MPDZ: variants seen among roughly 807,000 people sequenced by gnomAD.
The protein encoded by MPDZ is multiple PDZ domain crumbs cell polarity complex component, also known as multiple PDZ domain protein.
MPDZ carries 234 observed loss-of-function variants against 239.1 expected under a neutral mutation model. The observed-to-expected ratio is 0.98, with a 90% CI of 0.88 to 1.09. MPDZ has a LOEUF of 1.09. Among genes scored for constraint, MPDZ ranks in the 50% least tolerant of loss-of-function variants. The pLI, the probability that MPDZ is intolerant of heterozygous loss-of-function variation, is 0.00. For synonymous variants in MPDZ, 1,048 were observed against 881.3 expected (o/e 1.19, Z -3.35); for missense variants, 3,175 against 2,510.0 (o/e 1.26, Z -5.66).
chr9:13,112,276 GA>G (rs2131171873), intron 42 of MPDZ, 130 bp from the exon 43 acceptor site: 1 of 902,320 alleles, frequency 1.1e-6, no homozygotes, highest in South Asian at 2.2e-5. Flanking sequence ...AGAAGTGCAA[GA>G]AAACTGCATT....
rs1487590135 is a variant in MPDZ at position 13,150,647 on chromosome 9, C to T, written c.3494G>A (p.Ser1165Asn). Residue 1165 changes from serine to asparagine, a missense_variant, in exon 25 of 47, where the codon AGC (serine) becomes AAC (asparagine). Physicochemically the swap from Ser to Asn is conservative, Grantham distance 46 (BLOSUM62 1). Transcript: ENST00000319217. ...CCCCATCCCTCGTCCACCAACAATG[C>T]TGATGCCTAAGGATTTGCTTGGTTC... Reference protein sequence around the residue: ...WREPSKSLGISIVGGRGMGSR... With the variant: ...WREPSKSLGINIVGGRGMGSR... 2.7e-6 allele frequency: 4 copies of T among 1,495,194 alleles called. No individual in the cohort carries two copies. The highest frequency in any genetic ancestry group is 2.7e-6 in the Non-Finnish European group (3 of 1,118,312). The allele number at this position is 1,495,194 out of a possible 1,614,324, so 92.6% of individuals were successfully genotyped here.
rs554435796 is a variant in MPDZ, at chr9:13,114,091, G to C, written c.5467-70C>G. ...TACTCCCTAAATACCACTTATTTCA[G>C]AATTTAATCTAGAGACAGATACCTG... On this transcript the variant is annotated intron_variant, in intron 40 of 46. Transcript: ENST00000319217. 5 of 1,187,516 alleles carry C rather than the reference G, an allele frequency of 4.2e-6. No homozygotes were observed. In the African/African-American group the frequency reaches 6.1e-5, roughly 15 times the overall value. The allele number at this position is 1,187,516 out of a possible 1,614,324, so 73.6% of individuals were successfully genotyped here.
At chr9:13,173,143 T>C (rs1952004288) in intron 21 of MPDZ, among the ~76,000 whole-genome samples, 1 of 152,200 alleles carries the variant, frequency 6.6e-6, no homozygotes, top group Non-Finnish European at 1.5e-5. Flanking sequence ...AATTGTTTAA[T>C]GGATACAGCG....
chr9:13,196,327 T>C (rs1411108601), intron 12 of MPDZ, 97 bp from the exon 13 acceptor site: 2 of 766,466 alleles, frequency 2.6e-6, no homozygotes, highest in Non-Finnish European at 2.1e-6. Flanking sequence ...ACCCGCTGTA[T>C]CACGTCAGAC....
chr9:13,165,489 C>T, intron 22 of MPDZ: 3 of 1,508,572 alleles, frequency 2.0e-6, no homozygotes, highest in Non-Finnish European at 9.0e-7. Flanking sequence ...ATGTGAGATG[C>T]ATACATATGT....
chr9:13,106,942 T>A lies in MPDZ; in HGVS notation c.*23A>T. 1 of 1,612,260 alleles carries A rather than the reference T, an allele frequency of 6.2e-7. No individual in the cohort carries two copies. The highest frequency in any genetic ancestry group is 1.7e-4 in the Middle Eastern group (1 of 6,042). ...AGTAGGAGGTGAGCTAGGGGTTGGG[T>A]TGGTTCAATTCTGGCAGCCAATTCA... On this transcript the variant is annotated 3_prime_UTR_variant, in exon 47 of 47. Transcript: ENST00000319217.
intron 24 of MPDZ, among the ~76,000 whole-genome samples, chr9:13,155,283 T>G (rs1051077042): frequency 5.9e-5 from 9 of 152,054 alleles, no homozygotes; most frequent in Non-Finnish European, 1.2e-4. Flanking sequence ...AAGTAAAAAA[T>G]GCATATAAAC....
chr9:13,222,354 A>T lies in MPDZ; in HGVS notation c.626T>A (p.Leu209Gln). The T allele has an allele frequency of 6.2e-7, 1 of 1,613,026 alleles. No individual in the cohort carries two copies. Among genetic ancestry groups the T allele is most frequent in the Non-Finnish European group, 8.5e-7 (1 of 1,179,320 alleles). ...TITHQQAISI[L>Q]QKAKDTVQLV... ...CTGGACAGTATCTTTGGCTTTCTGC[A>T]GGATGCTGATAGCCTGCTGATGTGT... is the stretch of plus-strand genomic sequence containing the variant. Residue 209 changes from leucine to glutamine, a missense_variant, in exon 6 of 47, where the codon CTG (leucine) becomes CAG (glutamine). Physicochemically the swap from Leu to Gln is moderately radical, Grantham distance 113 (BLOSUM62 -2). Transcript: ENST00000319217.
chr9:13,214,627 T>C (rs1207245956), intron 10 of MPDZ, among the ~76,000 whole-genome samples: 1 of 152,076 alleles, frequency 6.6e-6, no homozygotes, highest in South Asian at 2.1e-4. Context: ...TTGATTAATA[T>C]AGATTACTTA....
rs72706379 is a variant in MPDZ at position 13,232,364 on chromosome 9, G to C, written c.184-7781C>G. Among the ~76,000 whole-genome samples the C allele has an allele frequency of 8.4e-4, 128 of 152,206 alleles. 1 individual carries two copies. In the East Asian group the frequency reaches 0.018, roughly 21 times the overall value. On this transcript the variant is annotated intron_variant, in intron 3 of 46. Coordinates refer to ENST00000319217, the MANE Select transcript of MPDZ (RefSeq NM_001378778.1). ...TAATTGGAACACAACATAGGGTTTAGAAACAGACCCACACATATATGACCC... is the reference window on the plus strand; with the variant it reads ...TAATTGGAACACAACATAGGGTTTACAAACAGACCCACACATATATGACCC...
At chr9:13,224,882 C>T (rs1471487238) in intron 3 of MPDZ, among the ~76,000 whole-genome samples, 1 of 152,056 alleles carries the variant, frequency 6.6e-6, no homozygotes, top group Non-Finnish European at 1.5e-5. Flanking sequence ...TATACATCCA[C>T]ACATATATTT....
intron 38 of MPDZ, among the ~76,000 whole-genome samples, chr9:13,120,877 T>C (rs973602042): frequency 1.3e-5 from 2 of 152,154 alleles, no homozygotes; most frequent in Non-Finnish European, 2.9e-5. Context: ...AAAATAAACT[T>C]AGAGACACTG....
Position 13,126,855 on chromosome 9 carries a change from A to G in MPDZ, c.4465-83T>C, listed in dbSNP as rs984866536. ...ATGGATACCAAGGGTAAGAAAAACA[A>G]CTAAAACTCTTCTGAAGTCCAGAAA... is the stretch of plus-strand genomic sequence containing the variant. On this transcript the variant is annotated intron_variant, in intron 32 of 46. Coordinates refer to ENST00000319217, the MANE Select transcript of MPDZ (RefSeq NM_001378778.1). 7 of 1,123,506 alleles carry G rather than the reference A, an allele frequency of 6.2e-6. No individual in the cohort carries two copies. In the African/African-American group the frequency reaches 9.3e-5, roughly 15 times the overall value. 69.6% of individuals were successfully genotyped at this position (1,123,506 alleles called of 1,614,324 possible).
At chr9:13,124,489 T>G (rs184299927) in intron 35 of MPDZ, among the ~76,000 whole-genome samples, 156 of 152,330 alleles carry the variant, frequency 1.0e-3, no homozygotes, top group Non-Finnish European at 1.7e-3. Flanking sequence ...CCTTATTTTT[T>G]TTTGTTTGTT....
chr9:13,121,139 C>T (rs900239420), intron 38 of MPDZ, among the ~76,000 whole-genome samples: 20 of 152,146 alleles, frequency 1.3e-4, no homozygotes, highest in Admixed American at 1.2e-3. Flanking sequence ...CATTACCACC[C>T]GGGCCCCCTG....
At chr9:13,228,104 T>G (rs1375567551) in intron 3 of MPDZ, among the ~76,000 whole-genome samples, 2 of 152,090 alleles carry the variant, frequency 1.3e-5, no homozygotes, top group Non-Finnish European at 2.9e-5. Context: ...GAATATAAAA[T>G]AAACAAAAGA....
intron 3 of MPDZ, among the ~76,000 whole-genome samples, chr9:13,241,934 G>C (rs943433252): frequency 1.3e-5 from 2 of 152,034 alleles, no homozygotes; most frequent in Non-Finnish European, 1.5e-5. Context: ...CTGAACCTCT[G>C]AAGTACACAT....
chr9:13,119,972 A>G, intron 38 of MPDZ: 1 of 305,442 alleles, frequency 3.3e-6, no homozygotes, highest in South Asian at 3.4e-5. Context: ...AAGACTTAAG[A>G]GTCAGTCCTT....
intron 38 of MPDZ, chr9:13,120,228 CCAT>C (rs1482673995): frequency 2.0e-5 from 3 of 151,388 alleles, no homozygotes; most frequent in African/African-American, 7.3e-5. Context: ...AATCTTATTC[CCAT>C]CCTTTCTTTC....
Sources: allele counts gnomAD v4.1 joint callset (sites outside exome capture counted in the v4.1 genomes callset), GRCh38; gene constraint gnomAD v4.1.1; transcripts MANE v1.5; gene names NCBI Gene and HGNC (gene_info 2026-07-23, HGNC 2026-07-21).